Variants in XIRP2 observed in about 807,000 individuals in gnomAD.
XIRP2 encodes the protein xin actin binding repeat containing 2, also known as xin actin-binding repeat-containing protein 2.
Under a neutral mutation model 277.0 loss-of-function variants are expected in XIRP2, and 236 were observed. The observed-to-expected ratio is 0.85, with a 90% CI of 0.77 to 0.95. The LOEUF is 0.95. Among genes scored for constraint, XIRP2 ranks in the 40% least tolerant of loss-of-function variants. The pLI, the probability that XIRP2 is intolerant of heterozygous loss-of-function variation, is 0.00. For missense variants in XIRP2, 4,640 were observed against 4,157.5 expected (o/e 1.12, Z -3.19); for synonymous variants, 1,490 against 1,416.5 (o/e 1.05, Z -1.17).
chr2:167,161,551 C>A (rs994236332), intron 3 of XIRP2, among the ~76,000 whole-genome samples: 1 of 152,220 alleles, frequency 6.6e-6, no homozygotes, highest in Non-Finnish European at 1.5e-5. Context: ...ATGGCCCAGG[C>A]TCTATGTTGG....
intron 2 of XIRP2, among the ~76,000 whole-genome samples, chr2:167,057,176 C>G (rs1416889830): frequency 6.6e-6 from 1 of 152,096 alleles, no homozygotes; most frequent in East Asian, 1.9e-4. Context: ...AATCTCTGTA[C>G]AAGCCGGCAT....
intron 3 of XIRP2, among the ~76,000 whole-genome samples, chr2:167,171,649 G>A (rs966205717): frequency 6.6e-6 from 1 of 152,176 alleles, no homozygotes; most frequent in African/African-American, 2.4e-5. Flanking sequence ...AGTATGGAAA[G>A]AGATGTTAAA....
At chr2:167,147,313 GA>G (rs1691890381) in intron 3 of XIRP2, among the ~76,000 whole-genome samples, 1 of 152,132 alleles carries the variant, frequency 6.6e-6, no homozygotes, top group African/African-American at 2.4e-5. Flanking sequence ...TATCTCCAAA[GA>G]AAAGACTGGT....
intron 5 of XIRP2, among the ~76,000 whole-genome samples, chr2:167,220,822 A>G (rs1463111091): frequency 2.6e-5 from 4 of 152,158 alleles, no homozygotes; most frequent in Non-Finnish European, 5.9e-5. Flanking sequence ...TGCTGGGTAA[A>G]AACAAAATCA....
intron 2 of XIRP2, among the ~76,000 whole-genome samples, chr2:167,056,822 A>C (rs1689048739): frequency 6.6e-6 from 1 of 152,114 alleles, no homozygotes; most frequent in African/African-American, 2.4e-5. Flanking sequence ...CCATATCCAT[A>C]TCTTCCCTCC....
intron 2 of XIRP2, among the ~76,000 whole-genome samples, chr2:166,961,846 T>C (rs964042198): frequency 2.6e-5 from 4 of 151,760 alleles, no homozygotes; most frequent in Admixed American, 6.6e-5. Flanking sequence ...CAAATGTAAA[T>C]GTGGTTATGG....
rs774532288 is a variant in XIRP2, at chr2:167,259,166, A to T, written c.*1349A>T. On this transcript the variant is annotated 3_prime_UTR_variant, in exon 11 of 11. Transcript: ENST00000409195. Reference sequence around the variant, plus strand: ...TAAAAATATGCCATGCTTGGATTTAAGGGAATTTGGAAAGGATGTTAAACC... The same window carrying T: ...TAAAAATATGCCATGCTTGGATTTATGGGAATTTGGAAAGGATGTTAAACC... 8 of 1,613,336 alleles carry T rather than the reference A, an allele frequency of 5.0e-6. No homozygotes were observed. Among genetic ancestry groups the T allele is most frequent in the Non-Finnish European group, 6.8e-6 (8 of 1,179,638 alleles).
chr2:167,245,385 T>C lies in XIRP2; in HGVS notation c.3993T>C (p.Tyr1331=). 6.2e-7 allele frequency: 1 copy of C among 1,613,668 alleles called. No individual in the cohort carries two copies. The change falls in exon 9 of 11, where the codon TAT becomes TAC. Residue 1331 remains tyrosine (Y), a synonymous_variant. Coordinates refer to ENST00000409195, the MANE Select transcript of XIRP2 (RefSeq NM_152381.6). ...CAATTCAAGACCGAGAAGGGTCCTA[T>C]CATGAAGTGACCACAGTTAAAAAAG... ...LYAIQDREGS[Y]HEVTTVKKEE... is the part of the protein sequence containing the mutation.
At chr2:166,891,056 T>A (rs949210816) in intron 1 of XIRP2, among the ~76,000 whole-genome samples, 1 of 152,170 alleles carries the variant, frequency 6.6e-6, no homozygotes, top group African/African-American at 2.4e-5. Context: ...TCTGGCGACG[T>A]ATGTCCATCA....
intron 2 of XIRP2, among the ~76,000 whole-genome samples, chr2:166,916,242 T>C (rs182749530): frequency 9.9e-4 from 151 of 152,332 alleles, no homozygotes; most frequent in African/African-American, 3.4e-3. Context: ...TTTCATTAGA[T>C]GCTAGAATTT....
intron 2 of XIRP2, among the ~76,000 whole-genome samples, chr2:167,058,874 G>A (rs928407296): frequency 7.2e-5 from 11 of 152,130 alleles, no homozygotes; most frequent in Non-Finnish European, 1.5e-4. Flanking sequence ...AGTTCTAATA[G>A]GAAGAATTAA....
intron 2 of XIRP2, among the ~76,000 whole-genome samples, chr2:166,941,210 G>A (rs1450442606): frequency 6.6e-6 from 1 of 152,188 alleles, no homozygotes; most frequent in African/African-American, 2.4e-5. Flanking sequence ...TGCGAGCAAT[G>A]AGTGAGGCTT....
chr2:167,007,699 T>A (rs201516578), intron 2 of XIRP2, among the ~76,000 whole-genome samples: 10,913 of 122,822 alleles, frequency 0.089, 665 homozygotes, highest in East Asian at 0.35. Flanking sequence ...TCTCTCTCTC[T>A]CTCTCACACA....
rs542623922 is a variant in XIRP2 at position 167,253,415 on chromosome 2, C to T, written c.10556-617C>T. ...AGCCAGTTAGATTGAGGACAAATGA[C>T]CCTGAGCATTTTACTGTGTTCAGGA... On this transcript the variant is annotated intron_variant, in intron 9 of 10. Transcript: ENST00000409195. Among the ~76,000 whole-genome samples, 67 of 151,890 alleles carry T rather than the reference C, an allele frequency of 4.4e-4. No individual in the cohort carries two copies. In the Middle Eastern group the frequency reaches 0.01, roughly 23 times the overall value.
At chr2:167,198,102 G>A (rs1235834112) in intron 3 of XIRP2, among the ~76,000 whole-genome samples, 1 of 152,112 alleles carries the variant, frequency 6.6e-6, no homozygotes, top group African/African-American at 2.4e-5. Context: ...ATAAATTAAG[G>A]GATGACGATA....
chr2:166,999,060 A>T (rs1687297458), intron 2 of XIRP2, among the ~76,000 whole-genome samples: 2 of 152,218 alleles, frequency 1.3e-5, no homozygotes, highest in African/African-American at 4.8e-5. Flanking sequence ...TTTTTGATAA[A>T]ATAACCATCT....
intron 2 of XIRP2, among the ~76,000 whole-genome samples, chr2:167,013,221 A>G (rs1687729878): frequency 6.6e-6 from 1 of 151,464 alleles, no homozygotes; most frequent in African/African-American, 2.4e-5. Context: ...ACTTTCATGC[A>G]AATATATGAT....
chr2:167,048,703 G>C (rs1167398644), intron 2 of XIRP2, among the ~76,000 whole-genome samples: 2 of 151,708 alleles, frequency 1.3e-5, no homozygotes, highest in Non-Finnish European at 2.9e-5. Context: ...TTTCTTGGTG[G>C]ATCCTGAAAT....
At position 167,148,393 on chromosome 2, in the gene XIRP2, GAAAGAAAGAA is replaced by G. The variant is rs531900082; in HGVS notation, c.562+12343_562+12352del. Among the ~76,000 whole-genome samples the G allele has an allele frequency of 5.2e-5, 7 of 134,972 alleles. No homozygotes were observed. The South Asian group carries it at 1.4e-3, about 27-fold the overall frequency. The allele number at this position is 134,972 out of a possible 152,430, so 88.5% of individuals were successfully genotyped here. A position where few individuals can be genotyped will look rare whatever the true frequency, so the allele number is the denominator to read the frequency against. On this transcript the variant is annotated intron_variant, in intron 3 of 10. Transcript: ENST00000409195. ...GTGGAAAAGGAAAGAAAGAAGAAAA[GAAAGAAAGAA>G]AAAGAAAGAAAGAGAGAAAGAAAGA...
Sources: gnomAD v4.1 joint callset for allele counts (sites outside exome capture counted in the v4.1 genomes callset) on GRCh38, gnomAD v4.1.1 for gene constraint, MANE v1.5 for transcripts, NCBI Gene and HGNC (gene_info 2026-07-23, HGNC 2026-07-21) for gene names.